Variants in SH3BGRL observed in about 807,000 individuals in gnomAD.
SH3BGRL encodes adapter SH3BGRL.
In SH3BGRL, 7 loss-of-function variants were observed where a neutral mutation model predicts 9.8. That is an observed-to-expected ratio of 0.72 (90% CI 0.41 to 1.35). The LOEUF (loss-of-function observed/expected upper bound fraction) is 1.35, where lower values mean the gene tolerates loss of function less well. SH3BGRL is among the 40% of genes most tolerant of loss of function. SH3BGRL has a pLI of 0.01. For synonymous variants in SH3BGRL, 36 were observed against 29.1 expected (o/e 1.24, Z -0.76); for missense variants, 73 against 84.4 (o/e 0.86, Z 0.53).
intron 1 of SH3BGRL, among the ~76,000 whole-genome samples, chrX:81,230,515 G>A (rs919296531): frequency 5.4e-5 from 6 of 111,764 alleles, no homozygotes; most frequent in African/African-American, 2.0e-4. Flanking sequence ...TATGTGATGT[G>A]CAAAGAAAAT....
At chrX:81,269,874 C>G (rs1426831814) in intron 1 of SH3BGRL, among the ~76,000 whole-genome samples, 1 of 111,608 alleles carries the variant, frequency 9.0e-6, no homozygotes, top group Non-Finnish European at 1.9e-5. Flanking sequence ...TAGATTTGGT[C>G]TTTTCACATA....
chrX:81,204,601 A>T (rs1341662601), intron 1 of SH3BGRL, among the ~76,000 whole-genome samples: 6 of 111,049 alleles, frequency 5.4e-5, no homozygotes, highest in African/African-American at 1.3e-4. Flanking sequence ...TAAAAAAAAA[A>T]ACAACAGATG....
chrX:81,226,073 C>T (rs1457192478), intron 1 of SH3BGRL, among the ~76,000 whole-genome samples: 2 of 111,332 alleles, frequency 1.8e-5, no homozygotes, highest in Non-Finnish European at 3.8e-5. Flanking sequence ...AACTCCCCAA[C>T]CACCTCCCAT....
At chrX:81,233,025 TATC>T (rs1043741626) in intron 1 of SH3BGRL, among the ~76,000 whole-genome samples, 11 of 111,830 alleles carry the variant, frequency 9.8e-5, no homozygotes, top group Non-Finnish European at 2.1e-4. Flanking sequence ...CACTGGAGGA[TATC>T]ATACAACTAT....
At chrX:81,233,674 C>T (rs2075639515) in intron 1 of SH3BGRL, among the ~76,000 whole-genome samples, 1 of 110,692 alleles carries the variant, frequency 9.0e-6, no homozygotes, top group Admixed American at 9.6e-5. Context: ...AGGCACTTTG[C>T]ATTCCTCTTT....
At chrX:81,238,922 C>T (rs1348813264) in intron 1 of SH3BGRL, among the ~76,000 whole-genome samples, 1 of 111,230 alleles carries the variant, frequency 9.0e-6, no homozygotes, top group African/African-American at 3.3e-5. Context: ...TAGCCCAGCA[C>T]CATCAAGGTG....
chrX:81,253,344 C>CTGTT (rs753342139), intron 1 of SH3BGRL, among the ~76,000 whole-genome samples: 6 of 111,226 alleles, frequency 5.4e-5, no homozygotes, highest in Non-Finnish European at 9.4e-5. Context: ...TTGTTTTTTT[C>CTGTT]TGTTTGTTTG....
chrX:81,282,266 A>T (rs1390379066), intron 3 of SH3BGRL, among the ~76,000 whole-genome samples: 1 of 112,239 alleles, frequency 8.9e-6, no homozygotes, highest in Non-Finnish European at 1.9e-5. Context: ...AGCACTAGAC[A>T]GGTCATCAAC....
chrX:81,204,953 A>C (rs2075541748), intron 1 of SH3BGRL, among the ~76,000 whole-genome samples: 2 of 112,631 alleles, frequency 1.8e-5, no homozygotes, highest in Admixed American at 9.3e-5. Context: ...GATATATCAT[A>C]ATTGTGCATA....
chrX:81,238,229 T>C (rs2075654767), intron 1 of SH3BGRL, among the ~76,000 whole-genome samples: 1 of 110,867 alleles, frequency 9.0e-6, no homozygotes, highest in African/African-American at 3.3e-5. Flanking sequence ...TGGATGGTAT[T>C]TCTGGACCTG....
intron 1 of SH3BGRL, among the ~76,000 whole-genome samples, chrX:81,243,242 A>C (rs759598642): frequency 1.7e-3 from 186 of 112,452 alleles, no homozygotes; most frequent in African/African-American, 5.9e-3. Flanking sequence ...AACAGCATGG[A>C]TAGAACTGGA....
intron 1 of SH3BGRL, among the ~76,000 whole-genome samples, chrX:81,206,327 A>G (rs1473831249): frequency 8.9e-6 from 1 of 111,845 alleles, no homozygotes; most frequent in Admixed American, 9.5e-5. Flanking sequence ...AACCATAATA[A>G]TGATAGTCAG....
intron 3 of SH3BGRL, among the ~76,000 whole-genome samples, chrX:81,283,269 C>T (rs753808671): frequency 1.4e-4 from 16 of 111,418 alleles, no homozygotes; most frequent in Non-Finnish European, 3.8e-5. Context: ...ATCTGTTGGA[C>T]TCTATTCCAC....
intron 1 of SH3BGRL, among the ~76,000 whole-genome samples, chrX:81,263,444 C>G (rs2075747092): frequency 8.9e-6 from 1 of 111,952 alleles, no homozygotes; most frequent in Admixed American, 9.5e-5. Flanking sequence ...TAACAACTGT[C>G]TTGGCATGTA....
chrX:81,251,335 CT>C (rs970812587), intron 1 of SH3BGRL, among the ~76,000 whole-genome samples: 21 of 108,638 alleles, frequency 1.9e-4, no homozygotes, highest in Admixed American at 8.8e-4. Context: ...TAAAGCCACT[CT>C]TTTTTTTTCA....
intron 3 of SH3BGRL, among the ~76,000 whole-genome samples, chrX:81,293,655 C>T (rs1232263729): frequency 8.9e-6 from 1 of 111,875 alleles, no homozygotes; most frequent in Non-Finnish European, 1.9e-5. Context: ...GGCACAACAG[C>T]CTGGGTGATA....
intron 3 of SH3BGRL, 88 bp downstream of exon 3, chrX:81,278,499 T>C: frequency 1.7e-6 from 1 of 599,877 alleles, no homozygotes; most frequent in Non-Finnish European, 2.6e-6. Context: ...TTGTTAAGTA[T>C]TCAAATTAAG....
intron 1 of SH3BGRL, among the ~76,000 whole-genome samples, chrX:81,236,867 G>A (rs2075649741): frequency 9.3e-6 from 1 of 107,625 alleles, no homozygotes; most frequent in South Asian, 4.4e-4. Flanking sequence ...GTGTGTGTGT[G>A]AGGGAAGGAC....
chrX:81,260,441 G>A (rs777847052), intron 1 of SH3BGRL, among the ~76,000 whole-genome samples: 1 of 111,302 alleles, frequency 9.0e-6, no homozygotes, highest in Non-Finnish European at 1.9e-5. Flanking sequence ...ACAGTGCCTG[G>A]CCCATAGGAA....
Sources: gnomAD v4.1 joint callset for allele counts (sites outside exome capture counted in the v4.1 genomes callset) on GRCh38, gnomAD v4.1.1 for gene constraint, MANE v1.5 for transcripts, NCBI Gene and HGNC (gene_info 2026-07-23, HGNC 2026-07-21) for gene names.